The following MED23 variants were observed in gnomAD, a reference collection of about 807,000 sequenced individuals.
The protein encoded by MED23 is mediator complex subunit 23, also known as mediator of RNA polymerase II transcription subunit 23.
Under a neutral mutation model 163.9 loss-of-function variants are expected in MED23, and 105 were observed. That is an observed-to-expected ratio of 0.64 (90% CI 0.55 to 0.75). The LOEUF is 0.75. MED23 is among the 30% of genes least tolerant of loss of function. The pLI, the probability that MED23 is intolerant of heterozygous loss-of-function variation, is 0.00. For synonymous variants in MED23, 561 were observed against 565.6 expected (o/e 0.99, Z 0.12); for missense variants, 1,054 against 1,649.0 (o/e 0.64, Z 6.25).
intron 10 of MED23, among the ~76,000 whole-genome samples, chr6:131,615,504 A>AC (rs1776617150): frequency 1.0e-5 from 1 of 95,894 alleles, no homozygotes; most frequent in African/African-American, 4.7e-5. Flanking sequence ...AACACACACC[A>AC]AAAAAAAAAA....
At chr6:131,583,784 T>C, downstream of MED23, 2 of 1,614,146 alleles carry the variant, frequency 1.2e-6, no homozygotes, top group Non-Finnish European at 1.7e-6. Flanking sequence ...AACCCATCCC[T>C]GGGGAAGACA....
intron 20 of MED23, among the ~76,000 whole-genome samples, chr6:131,597,835 C>T (rs1775181746): frequency 6.6e-6 from 1 of 152,204 alleles, no homozygotes; most frequent in South Asian, 2.1e-4. Flanking sequence ...CCTGTAATCC[C>T]AGCACTTTGG....
intron 28 of MED23, among the ~76,000 whole-genome samples, chr6:131,588,466 A>C (rs761285476): frequency 6.6e-6 from 1 of 152,210 alleles, no homozygotes; most frequent in Non-Finnish European, 1.5e-5. Flanking sequence ...CCCTTGTGTT[A>C]AAGTTTCTTA....
Position 131,628,235 on chromosome 6 carries a change from C to G in MED23, c.-186G>C, listed in dbSNP as rs1360510758. 1.5e-6 allele frequency: 1 copy of G among 661,056 alleles called. No homozygotes were observed. Among genetic ancestry groups the G allele is most frequent in the Admixed American group, 2.5e-5 (1 of 40,556 alleles). 40.9% of individuals were successfully genotyped at this position (661,056 alleles called of 1,614,324 possible). A position where few individuals can be genotyped will look rare whatever the true frequency, so the allele number is the denominator to read the frequency against. ...GCCCAGCCAACAGCAGGAACCTGTACGGAAGACGGGAAGGGCCCGGTACGC... is the reference window on the plus strand; with the variant it reads ...GCCCAGCCAACAGCAGGAACCTGTAGGGAAGACGGGAAGGGCCCGGTACGC... On this transcript the variant is annotated 5_prime_UTR_variant, in exon 1 of 29. Transcript: ENST00000368068.
intron 17 of MED23, 92 bp downstream of exon 17, chr6:131,602,126 A>G (rs1289281720): frequency 3.6e-6 from 5 of 1,399,538 alleles, no homozygotes; most frequent in Non-Finnish European, 5.0e-6. Context: ...AATGAAAAGT[A>G]TCTTTTTAGT....
At chr6:131,579,526 G>T in intron 30 of MED23, 2 of 371,538 alleles carry the variant, frequency 5.4e-6, no homozygotes, top group Non-Finnish European at 9.8e-6. Context: ...AAATATGAAT[G>T]GATTTCATCT....
At chr6:131,581,224 C>T in intron 30 of MED23, 1 of 1,613,784 alleles carries the variant, frequency 6.2e-7, no homozygotes, top group Non-Finnish European at 8.5e-7. Context: ...AAAAGTTTGG[C>T]AATTGGAAGC....
At chr6:131,618,329 A>G (rs1776839223) in intron 9 of MED23, 78 bp downstream of exon 9, 3 of 939,156 alleles carry the variant, frequency 3.2e-6, no homozygotes, top group Non-Finnish European at 3.5e-6. Flanking sequence ...TGAAGCAACA[A>G]TTTAGCATCA....
chr6:131,612,596 T>G (rs985005643), intron 10 of MED23, among the ~76,000 whole-genome samples: 15 of 152,154 alleles, frequency 9.9e-5, no homozygotes, highest in African/African-American at 3.4e-4. Context: ...CATATATAGT[T>G]AAATTTGTTA....
chr6:131,592,273 T>A, intron 25 of MED23, 115 bp downstream of exon 25: 1 of 879,754 alleles, frequency 1.1e-6, no homozygotes, highest in Admixed American at 1.9e-5. Context: ...AAATACTTCA[T>A]TAATTTGCAT....
At chr6:131,586,724 C>T, downstream of MED23, 1 of 1,427,456 alleles carries the variant, frequency 7.0e-7, no homozygotes, top group East Asian at 3.2e-5. Context: ...ACACTCATTC[C>T]AATGGAGTCG....
At chr6:131,625,769 C>A (rs1777440504) in intron 3 of MED23, among the ~76,000 whole-genome samples, 1 of 151,844 alleles carries the variant, frequency 6.6e-6, no homozygotes, top group African/African-American at 2.4e-5. Flanking sequence ...GATAAAATTT[C>A]TCATGTTTTT....
At chr6:131,621,533 A>C (rs1777107866) in intron 6 of MED23, among the ~76,000 whole-genome samples, 1 of 152,180 alleles carries the variant, frequency 6.6e-6, no homozygotes, top group South Asian at 2.1e-4. Flanking sequence ...CACATGCTTT[A>C]AATATTGGCA....
rs1396183158 is a variant in MED23, at chr6:131,591,185, G to A, written c.3686+128C>T. ...AGTAGAGATGGGGTTTCACAATGTT[G>A]GCCAGGATGGTCTCAATCGCCTGAC... On this transcript the variant is annotated intron_variant, in intron 26 of 28. Transcript: ENST00000368068. The A allele has an allele frequency of 1.3e-5, 9 of 718,518 alleles. No individual in the cohort carries two copies. In the Middle Eastern group the frequency reaches 1.1e-3, roughly 88 times the overall value. The allele number at this position is 718,518 out of a possible 1,614,324, so 44.5% of individuals were successfully genotyped here. A position where few individuals can be genotyped will look rare whatever the true frequency, so the allele number is the denominator to read the frequency against.
downstream of MED23, among the ~76,000 whole-genome samples, chr6:131,582,880 C>T (rs930454873): frequency 3.3e-5 from 5 of 151,978 alleles, no homozygotes; most frequent in Non-Finnish European, 7.4e-5. Context: ...TGTATGTATC[C>T]AGGCAATTAA....
chr6:131,575,200 C>T (rs1773555799), intron 30 of MED23, among the ~76,000 whole-genome samples: 1 of 152,026 alleles, frequency 6.6e-6, no homozygotes, highest in Non-Finnish European at 1.5e-5. Flanking sequence ...GAGCTTTGTT[C>T]TAAAATATGA....
At chr6:131,593,512 G>A (rs925308494) in intron 23 of MED23, among the ~76,000 whole-genome samples, 1 of 152,040 alleles carries the variant, frequency 6.6e-6, no homozygotes, top group African/African-American at 2.4e-5. Context: ...TTTTGCTTCA[G>A]AAAATAAATT....
chr6:131,586,287 C>T (rs1022841719), downstream of MED23, among the ~76,000 whole-genome samples: 5 of 151,962 alleles, frequency 3.3e-5, no homozygotes, highest in East Asian at 7.8e-4. Context: ...GTAGTCCCAG[C>T]TACAAGGGAG....
At chr6:131,602,165 C>T in intron 17 of MED23, 53 bp downstream of exon 17, 1 of 1,569,648 alleles carries the variant, frequency 6.4e-7, no homozygotes, top group Non-Finnish European at 8.8e-7. Context: ...TTAGTAGAAT[C>T]ATGGCACACT....
Sources: allele counts gnomAD v4.1 joint callset (sites outside exome capture counted in the v4.1 genomes callset), GRCh38; gene constraint gnomAD v4.1.1; transcripts MANE v1.5; gene names NCBI Gene and HGNC (gene_info 2026-07-23, HGNC 2026-07-21).